The following SHOC2 variants were observed in gnomAD, a reference collection of about 807,000 sequenced individuals.
SHOC2 encodes the protein SHOC2 leucine rich repeat scaffold protein, also known as leucine-rich repeat protein SHOC-2.
A neutral mutation model predicts 50.2 loss-of-function variants in SHOC2; 4 were observed. The observed-to-expected ratio is 0.08, with a 90% CI of 0.04 to 0.18. The LOEUF (loss-of-function observed/expected upper bound fraction) is 0.18, where lower values mean the gene tolerates loss of function less well. Ranked by LOEUF, SHOC2 falls within the 10% of genes least tolerant of loss-of-function variation. SHOC2 has a pLI of 1.00. For synonymous variants in SHOC2, 218 were observed against 244.5 expected (o/e 0.89, Z 1.01); for missense variants, 388 against 669.6 (o/e 0.58, Z 4.64).
chr10:110,936,716 T>G, intron 1 of SHOC2: 1 of 922,506 alleles, frequency 1.1e-6, no homozygotes, highest in Non-Finnish European at 1.7e-6. Context: ...GCTTATGAGC[T>G]CTTTCTTCTT....
rs377043455 is a variant in SHOC2 at position 111,011,829 on chromosome 10, C to A, written c.*11C>A. 16 of 1,600,262 alleles carry A rather than the reference C, an allele frequency of 1.0e-5. No individual in the cohort carries two copies. In the African/African-American group the frequency reaches 1.1e-4, roughly 11 times the overall value. ...CGTGCCATGGTCTGATATAAATCTG[C>A]TGGTCCCACACACTGTTCAAAAATA... On this transcript the variant is annotated 3_prime_UTR_variant, in exon 9 of 9. Coordinates refer to ENST00000369452, the MANE Select transcript of SHOC2 (RefSeq NM_007373.4).
intron 1 of SHOC2, among the ~76,000 whole-genome samples, chr10:110,956,304 C>T (rs1416415023): frequency 8.5e-5 from 13 of 152,076 alleles, no homozygotes; most frequent in Admixed American, 8.5e-4. Context: ...ACCTCCGCCT[C>T]CCGGGTTCAA....
intron 3 of SHOC2, among the ~76,000 whole-genome samples, chr10:110,997,405 A>T (rs1848287336): frequency 6.6e-6 from 1 of 152,216 alleles, no homozygotes; most frequent in African/African-American, 2.4e-5. Flanking sequence ...CAAATTTTTA[A>T]TTGTTCTTCC....
chr10:110,997,121 C>G (rs1848282234), intron 3 of SHOC2, among the ~76,000 whole-genome samples: 1 of 152,086 alleles, frequency 6.6e-6, no homozygotes, highest in African/African-American at 2.4e-5. Flanking sequence ...AACTTTAAAA[C>G]AAGTTGACTT....
chr10:110,969,541 G>A (rs79176875), intron 2 of SHOC2, among the ~76,000 whole-genome samples: 526 of 152,262 alleles, frequency 3.5e-3, no homozygotes, highest in African/African-American at 9.4e-3. Context: ...GAAGGAAATC[G>A]TTGCTCATTG....
intron 2 of SHOC2, among the ~76,000 whole-genome samples, chr10:110,970,485 TAATA>T (rs1178404903): frequency 6.6e-6 from 1 of 152,204 alleles, no homozygotes; most frequent in Non-Finnish European, 1.5e-5. Flanking sequence ...AATAGTGTTG[TAATA>T]AATAAGAGAG....
At chr10:110,929,288 A>G (rs966964160) in intron 1 of SHOC2, among the ~76,000 whole-genome samples, 1 of 152,202 alleles carries the variant, frequency 6.6e-6, no homozygotes, top group Non-Finnish European at 1.5e-5. Context: ...TGCTTCCAAG[A>G]GCAACTAAGA....
At chr10:110,955,967 A>T (rs1287071881) in intron 1 of SHOC2, among the ~76,000 whole-genome samples, 1 of 152,230 alleles carries the variant, frequency 6.6e-6, no homozygotes, top group African/African-American at 2.4e-5. Context: ...AAATTGGAAG[A>T]TATGACAGAG....
At chr10:110,929,135 A>G (rs1846837703) in intron 1 of SHOC2, among the ~76,000 whole-genome samples, 1 of 152,188 alleles carries the variant, frequency 6.6e-6, no homozygotes, top group Non-Finnish European at 1.5e-5. Flanking sequence ...GTTTTCTTAT[A>G]TTTTGTCATA....
intron 1 of SHOC2, among the ~76,000 whole-genome samples, chr10:110,929,351 C>G (rs909998540): frequency 6.6e-6 from 1 of 152,094 alleles, no homozygotes; most frequent in African/African-American, 2.4e-5. Context: ...TAATATATCA[C>G]TTGCTACCTG....
intron 2 of SHOC2, among the ~76,000 whole-genome samples, chr10:110,983,166 T>C (rs1376004927): frequency 1.3e-5 from 2 of 152,126 alleles, no homozygotes; most frequent in Non-Finnish European, 2.9e-5. Context: ...CACCATAGGA[T>C]CAGTATTCCT....
chr10:110,962,152 C>T (rs1013056256), intron 1 of SHOC2, among the ~76,000 whole-genome samples: 11 of 151,778 alleles, frequency 7.2e-5, no homozygotes, highest in African/African-American at 1.5e-4. Flanking sequence ...CTTGTTCTAT[C>T]CTCTGTACTT....
intron 1 of SHOC2, among the ~76,000 whole-genome samples, chr10:110,956,774 TAAAAG>T: frequency 6.6e-6 from 1 of 152,102 alleles, no homozygotes; most frequent in Admixed American, 6.5e-5. Context: ...TTATGAGAAA[TAAAAG>T]AAAAAATAAA....
intron 1 of SHOC2, among the ~76,000 whole-genome samples, chr10:110,963,528 T>C (rs1847612309): frequency 1.3e-5 from 2 of 152,146 alleles, no homozygotes; most frequent in South Asian, 2.1e-4. Context: ...CAGACTGCTC[T>C]CTCTTCTATC....
At chr10:110,922,620 C>T (rs1339917984) in intron 1 of SHOC2, among the ~76,000 whole-genome samples, 1 of 151,862 alleles carries the variant, frequency 6.6e-6, no homozygotes, top group African/African-American at 2.4e-5. Context: ...ATGTATCTTT[C>T]ATGTATGAAA....
intron 3 of SHOC2, among the ~76,000 whole-genome samples, chr10:110,999,973 T>A (rs10885077): frequency 1.3e-5 from 2 of 151,774 alleles, no homozygotes; most frequent in Non-Finnish European, 2.9e-5. Flanking sequence ...AACAATACCA[T>A]TTTAGAAATT....
Position 110,982,498 on chromosome 10 carries a change from C to T in SHOC2, c.704-3130C>T, listed in dbSNP as rs888877489. Among the ~76,000 whole-genome samples the T allele has an allele frequency of 1.1e-4, 17 of 152,198 alleles. No homozygotes were observed. In the East Asian group the frequency reaches 1.9e-3, roughly 17 times the overall value. ...CAGTGTAAAAGTGTTCTTATTTTTC[C>T]ACATCCTCTCCAGCACCTGTTGTTT... On this transcript the variant is annotated intron_variant, in intron 2 of 8. Transcript: ENST00000369452.
chr10:110,960,963 C>T (rs1564713235), intron 1 of SHOC2, among the ~76,000 whole-genome samples: 2 of 152,120 alleles, frequency 1.3e-5, no homozygotes, highest in Admixed American at 6.5e-5. Flanking sequence ...AGACGTGAAC[C>T]ACCACGCCTG....
chr10:111,000,689 G>T, intron 4 of SHOC2, 144 bp downstream of exon 4: 1 of 717,194 alleles, frequency 1.4e-6, no homozygotes, highest in Non-Finnish European at 2.4e-6. Context: ...TACCACCACC[G>T]CTGAAGTAAC....
Sources: allele counts gnomAD v4.1 joint callset (sites outside exome capture counted in the v4.1 genomes callset), GRCh38; gene constraint gnomAD v4.1.1; transcripts MANE v1.5; gene names NCBI Gene and HGNC (gene_info 2026-07-23, HGNC 2026-07-21).